ZNF177: variants seen among roughly 807,000 people sequenced by gnomAD.
ZNF177 encodes zinc finger protein 177.
Under a neutral mutation model 19.4 loss-of-function variants are expected in ZNF177, and 17 were observed. That is an observed-to-expected ratio of 0.87 (90% CI 0.60 to 1.31). ZNF177 has a LOEUF of 1.31. Ranked by LOEUF, ZNF177 falls within the 40% of genes most tolerant of loss-of-function variation. ZNF177 has a pLI of 0.00. For missense variants in ZNF177, 633 were observed against 561.8 expected, an observed-to-expected ratio of 1.13 and a Z score of -1.28; for synonymous variants, 220 against 188.7, an observed-to-expected ratio of 1.17 and a Z score of -1.36.
At chr19:9,363,948 C>T (rs1056727907) in intron 1 of ZNF177, among the ~76,000 whole-genome samples, 6 of 152,232 alleles carry the variant, frequency 3.9e-5, no homozygotes, top group Non-Finnish European at 8.8e-5. Flanking sequence ...TACATGTTTG[C>T]TATGTGTTTT....
chr19:9,365,648 G>A (rs959534991), intron 2 of ZNF177, among the ~76,000 whole-genome samples: 3 of 152,092 alleles, frequency 2.0e-5, no homozygotes, highest in African/African-American at 7.2e-5. Flanking sequence ...AGGCGTCCCC[G>A]CATGATTAAA....
At chr19:9,378,139 C>T (rs2068138247) in intron 1 of ZNF177, 120 bp from the exon 4 acceptor site, 2 of 858,406 alleles carry the variant, frequency 2.3e-6, no homozygotes, top group Non-Finnish European at 3.3e-6. Context: ...GATAAGGAGG[C>T]AAATTGTAAC....
chr19:9,374,695 G>A (rs931163693), upstream of ZNF177, among the ~76,000 whole-genome samples: 1 of 102,352 alleles, frequency 9.8e-6, no homozygotes, highest in Non-Finnish European at 2.0e-5. Context: ...TTTAATTTTT[G>A]TATGTTGATT....
At position 9,379,604 on chromosome 19, in the gene ZNF177, C is replaced by T; in HGVS notation, c.238C>T (p.Gln80Ter). The stretch of plus-strand genomic sequence containing the variant: ...GAAGACAGATGAAAGAGGAATTTTA[C>T]AAGGTGACTGTGCAGGTGAGCCTTG... Residue 80 changes from glutamine to a stop codon, truncating the protein, a stop_gained, in exon 4 of 6, where the codon CAA (glutamine) becomes TAA (stop). Coordinates refer to ENST00000589262, the Ensembl canonical transcript of ZNF177. LOFTEE classifies it high-confidence loss of function. 6.2e-7 allele frequency: 1 copy of T among 1,613,786 alleles called. No homozygotes were observed. The highest frequency in any genetic ancestry group is 8.5e-7 in the Non-Finnish European group (1 of 1,179,886).
Position 9,363,092 on chromosome 19 carries a change from C to G in ZNF177, c.-392+8C>G, listed in dbSNP as rs1424749873. On this transcript the variant is annotated splice_region_variant and intron_variant, in intron 1 of 8. Transcript: ENST00000343499. The stretch of plus-strand genomic sequence containing the variant: ...CCAGCAGGCCAGGTCCAGGTGCGCC[C>G]CACTAGTGAGGCCGGCGGAATCGGG... 1 of 152,524 alleles carries G rather than the reference C, an allele frequency of 6.6e-6. No homozygotes were observed. Among genetic ancestry groups the G allele is most frequent in the Non-Finnish European group, 1.5e-5 (1 of 68,284 alleles). The allele number at this position is 152,524 out of a possible 1,614,324, so 9.4% of individuals were successfully genotyped here.
At chr19:9,381,278 A>G in exon 6 of ZNF177, 1 of 1,614,170 alleles carries the variant, frequency 6.2e-7, no homozygotes, top group Non-Finnish European at 8.5e-7. Flanking sequence ...GAGTGTGATC[A>G]CTGTGGAAAA....
intron 1 of ZNF177, among the ~76,000 whole-genome samples, chr19:9,377,221 GC>G (rs2068121981): frequency 6.6e-6 from 1 of 152,106 alleles, no homozygotes; most frequent in African/African-American, 2.4e-5. Context: ...TAAACCTGCT[GC>G]ACTGCCAGTC....
At chr19:9,375,102 T>C (rs1009197464), upstream of ZNF177, among the ~76,000 whole-genome samples, 43 of 152,288 alleles carry the variant, frequency 2.8e-4, no homozygotes, top group Admixed American at 3.9e-4. Flanking sequence ...AATGATGATA[T>C]AGTTTTTATC....
At chr19:9,372,540 C>CTTTTTTTTTT (rs61321271), upstream of ZNF177, among the ~76,000 whole-genome samples, 24 of 84,572 alleles carry the variant, frequency 2.8e-4, no homozygotes, top group Non-Finnish European at 3.7e-4. Flanking sequence ...CTTTCTTTTC[C>CTTTTTTTTTT]TTTTTTTTTT....
chr19:9,373,317 G>GTA (rs1373579540), upstream of ZNF177, among the ~76,000 whole-genome samples: 3 of 152,120 alleles, frequency 2.0e-5, no homozygotes, highest in Non-Finnish European at 4.4e-5. Flanking sequence ...CCCACTGTGT[G>GTA]TATATATATG....
In ZNF177 at chr19:9,380,688, GCACTC is replaced by G; in HGVS notation, c.359_363del (p.His120ProfsTer4). The G allele has an allele frequency of 2.0e-6, 3 of 1,535,726 alleles. No homozygotes were observed. Among genetic ancestry groups the G allele is most frequent in the Middle Eastern group, 1.7e-4 (1 of 5,988 alleles). On this transcript the variant is annotated frameshift_variant, in exon 6 of 6. Transcript: ENST00000589262. LOFTEE classifies it low-confidence loss of function (END_TRUNC). ...AACAGGCAGAAAATCAACCTGGTGAGCACTCCCTGGAGTGTAACCATTGTGGGAAA... is the reference window on the plus strand; with the variant it reads ...AACAGGCAGAAAATCAACCTGGTGAGCCTGGAGTGTAACCATTGTGGGAAA...
chr19:9,378,266 T>G, exon 2 of ZNF177: 1 of 1,612,128 alleles, frequency 6.2e-7, no homozygotes, highest in South Asian at 1.1e-5. Context: ...TAGCTCTGCC[T>G]GCTTAGGACT....
At chr19:9,368,663 A>G (rs2068010743) in intron 2 of ZNF177, among the ~76,000 whole-genome samples, 1 of 152,124 alleles carries the variant, frequency 6.6e-6, no homozygotes, top group Non-Finnish European at 1.5e-5. Flanking sequence ...GGACCAGTTT[A>G]GCTACATTCT....
intron 1 of ZNF177, 99 bp downstream of exon 1, chr19:9,363,183 C>T (rs777733384): frequency 6.6e-6 from 1 of 152,374 alleles, no homozygotes; most frequent in Non-Finnish European, 1.5e-5. Context: ...AGCTTCCCGC[C>T]CCAGCCTCCG....
intron 2 of ZNF177, among the ~76,000 whole-genome samples, chr19:9,369,427 T>C (rs2068019952): frequency 6.6e-6 from 1 of 152,136 alleles, no homozygotes; most frequent in East Asian, 1.9e-4. Flanking sequence ...AAACTTTATT[T>C]TGGTTAATAT....
upstream of ZNF177, among the ~76,000 whole-genome samples, chr19:9,373,754 C>CT (rs1391218193): frequency 9.9e-5 from 15 of 152,102 alleles, no homozygotes; most frequent in Non-Finnish European, 1.6e-4. Context: ...GGAAAACTGT[C>CT]TATTTAGATC....
chr19:9,373,730 T>C (rs552437464), upstream of ZNF177, among the ~76,000 whole-genome samples: 1 of 152,322 alleles, frequency 6.6e-6, no homozygotes, highest in African/African-American at 2.4e-5. Context: ...ACTGGCCATT[T>C]TTATTTCTTC....
chr19:9,368,894 T>C (rs992965514), intron 2 of ZNF177, among the ~76,000 whole-genome samples: 1 of 152,158 alleles, frequency 6.6e-6, no homozygotes, highest in Non-Finnish European at 1.5e-5. Context: ...AATCTCGTTA[T>C]TAACTTACAA....
chr19:9,375,943 C>T (rs1262461023), upstream of ZNF177, among the ~76,000 whole-genome samples: 3 of 152,110 alleles, frequency 2.0e-5, no homozygotes, highest in African/African-American at 7.2e-5. Context: ...TAACATTAAG[C>T]TGGTATAAGA....
Sources: allele counts gnomAD v4.1 joint callset (sites outside exome capture counted in the v4.1 genomes callset), GRCh38; gene constraint gnomAD v4.1.1; transcripts MANE v1.5; gene names NCBI Gene and HGNC (gene_info 2026-07-23, HGNC 2026-07-21).